ATP8A2: variants seen among roughly 807,000 people sequenced by gnomAD.
The protein encoded by ATP8A2 is ATPase phospholipid transporting 8A2, also known as phospholipid-transporting ATPase IB.
A neutral mutation model predicts 165.6 loss-of-function variants in ATP8A2; 100 were observed. The observed-to-expected ratio is 0.60, with a 90% CI of 0.51 to 0.71. The LOEUF (loss-of-function observed/expected upper bound fraction) is 0.71, where lower values mean the gene tolerates loss of function less well. Among genes scored for constraint, ATP8A2 ranks in the 30% least tolerant of loss-of-function variants. The probability of loss-of-function intolerance (pLI) is 0.00; values close to 1 mark genes in which losing one functional copy is unlikely to be tolerated. For synonymous variants in ATP8A2, 543 were observed against 548.8 expected, an observed-to-expected ratio of 0.99 and a Z score of 0.15; for missense variants, 1,227 against 1,479.5, an observed-to-expected ratio of 0.83 and a Z score of 2.80.
intron 12 of ATP8A2, 41 bp downstream of exon 12, chr13:25,553,961 T>G (rs752280590): frequency 6.3e-7 from 1 of 1,583,928 alleles, no homozygotes; most frequent in African/African-American, 1.4e-5. Context: ...TTTCCAATGC[T>G]ATTTCAGAGC....
chr13:25,596,595 A>T (rs1191554022), intron 24 of ATP8A2, among the ~76,000 whole-genome samples: 2 of 152,112 alleles, frequency 1.3e-5, no homozygotes, highest in Admixed American at 6.6e-5. Context: ...TGTGTGTATC[A>T]TCTGTTCATT....
chr13:25,735,833 G>A (rs545973921), intron 25 of ATP8A2, among the ~76,000 whole-genome samples: 1 of 152,310 alleles, frequency 6.6e-6, no homozygotes, highest in East Asian at 1.9e-4. Flanking sequence ...TAGCCTAAGT[G>A]TATAGTATTT....
intron 2 of ATP8A2, among the ~76,000 whole-genome samples, chr13:25,515,134 A>C (rs1191698307): frequency 6.6e-6 from 1 of 152,182 alleles, no homozygotes; most frequent in East Asian, 1.9e-4. Flanking sequence ...ACAATCTTCA[A>C]ACTGGCACAT....
chr13:25,633,426 A>G (rs1332693536), intron 24 of ATP8A2, among the ~76,000 whole-genome samples: 1 of 152,140 alleles, frequency 6.6e-6, no homozygotes, highest in East Asian at 1.9e-4. Context: ...CTTCCTTTAC[A>G]GAGAGAGAGA....
At chr13:25,457,947 T>C (rs971659907) in intron 1 of ATP8A2, among the ~76,000 whole-genome samples, 4 of 152,192 alleles carry the variant, frequency 2.6e-5, no homozygotes, top group Non-Finnish European at 5.9e-5. Context: ...TGACTGCATG[T>C]ATTTAGTGGG....
intron 25 of ATP8A2, among the ~76,000 whole-genome samples, chr13:25,725,682 C>T (rs372990724): frequency 1.1e-4 from 16 of 152,280 alleles, no homozygotes; most frequent in African/African-American, 2.9e-4. Flanking sequence ...TTTCAAGTGG[C>T]GTGCCTTAGC....
chr13:25,822,786 C>T (rs1307539836), intron 27 of ATP8A2, among the ~76,000 whole-genome samples: 1 of 152,136 alleles, frequency 6.6e-6, no homozygotes, highest in Non-Finnish European at 1.5e-5. Flanking sequence ...AGTTTAATGT[C>T]TTACAGGAGT....
rs141235738 is a variant in ATP8A2, at chr13:25,395,868, G to A, written c.76+23580G>A. Among the ~76,000 whole-genome samples, 26 of 151,098 alleles carry A rather than the reference G, an allele frequency of 1.7e-4. No homozygotes were observed. The East Asian group carries it at 4.5e-3, about 26-fold the overall frequency. Reference sequence around the variant, plus strand: ...ATTTTTCTTTCTTTTTTTTTTTGACGGAGTCTCACTCTGTCCCCAGGCTGG... The same window carrying A: ...ATTTTTCTTTCTTTTTTTTTTTGACAGAGTCTCACTCTGTCCCCAGGCTGG... On this transcript the variant is annotated intron_variant, in intron 1 of 36. Transcript: ENST00000381655.
intron 22 of ATP8A2, 87 bp downstream of exon 22, chr13:25,580,034 A>C: frequency 1.4e-6 from 2 of 1,432,456 alleles, no homozygotes; most frequent in South Asian, 1.3e-5. Flanking sequence ...TCCTTTTACT[A>C]TGTAGGGATG....
At chr13:25,709,521 GT>G (rs142893891) in intron 25 of ATP8A2, among the ~76,000 whole-genome samples, 9,578 of 151,844 alleles carry the variant, frequency 0.063, 945 homozygotes, top group African/African-American at 0.21. Context: ...TAGATACTGA[GT>G]TTTTTTTCTG....
At chr13:25,831,767 CG>C (rs200532885) in intron 28 of ATP8A2, among the ~76,000 whole-genome samples, 1,822 of 150,992 alleles carry the variant, frequency 0.012, 43 homozygotes, top group African/African-American at 0.039. Flanking sequence ...TGCTTGAACC[CG>C]GGAGGCGGAG....
chr13:25,721,611 C>T (rs535043128), intron 25 of ATP8A2, among the ~76,000 whole-genome samples: 24 of 152,282 alleles, frequency 1.6e-4, no homozygotes, highest in African/African-American at 4.8e-4. Flanking sequence ...AGCCCTAGCC[C>T]CCTGCCCTAA....
intron 12 of ATP8A2, among the ~76,000 whole-genome samples, chr13:25,554,565 G>A (rs1365631495): frequency 7.0e-6 from 1 of 143,124 alleles, no homozygotes; most frequent in Non-Finnish European, 1.5e-5. Flanking sequence ...GTGTGTGTGT[G>A]TATTTCTTTT....
chr13:25,530,265 G>A (rs772280061), intron 3 of ATP8A2, among the ~76,000 whole-genome samples, 167 bp downstream of exon 3: 10 of 152,186 alleles, frequency 6.6e-5, no homozygotes, highest in Non-Finnish European at 1.2e-4. Context: ...TATACAGGGA[G>A]ATTTCTTTTG....
At chr13:25,943,993 C>T (rs1266811179) in intron 33 of ATP8A2, among the ~76,000 whole-genome samples, 1 of 151,860 alleles carries the variant, frequency 6.6e-6, no homozygotes, top group Admixed American at 6.6e-5. Flanking sequence ...ACATTTTAAG[C>T]AAAATAGAAA....
rs139806077 is a variant in ATP8A2, at chr13:26,014,556, G to T, written c.3469+1934G>T. On this transcript the variant is annotated intron_variant, in intron 36 of 36. Coordinates refer to ENST00000381655, the MANE Select transcript of ATP8A2 (RefSeq NM_016529.6). ...TTTGCTACTTTTCGAGAGGCCTGTG[G>T]GTCCCTACCTAAGGAAGGAACTCAG... Among the ~76,000 whole-genome samples the T allele has an allele frequency of 3.2e-4, 48 of 152,032 alleles. No individual in the cohort carries two copies. The East Asian group carries it at 8.1e-3, about 26-fold the overall frequency.
chr13:25,940,647 G>A (rs1322848664), intron 33 of ATP8A2, among the ~76,000 whole-genome samples: 1 of 152,168 alleles, frequency 6.6e-6, no homozygotes, highest in Non-Finnish European at 1.5e-5. Flanking sequence ...TAGCATAGCT[G>A]TCACCCAGGT....
intron 24 of ATP8A2, among the ~76,000 whole-genome samples, chr13:25,696,617 T>C (rs1021928359): frequency 7.9e-5 from 12 of 152,198 alleles, no homozygotes; most frequent in African/African-American, 2.7e-4. Context: ...CAATATCTGC[T>C]AAGGCTCAGA....
intron 33 of ATP8A2, among the ~76,000 whole-genome samples, chr13:25,928,510 A>G (rs1312707549): frequency 6.6e-6 from 1 of 152,226 alleles, no homozygotes; most frequent in African/African-American, 2.4e-5. Context: ...AATAGAGAGC[A>G]AGAACTCCAC....
Sources: allele counts gnomAD v4.1 joint callset (sites outside exome capture counted in the v4.1 genomes callset), GRCh38; gene constraint gnomAD v4.1.1; transcripts MANE v1.5; gene names NCBI Gene and HGNC (gene_info 2026-07-23, HGNC 2026-07-21).